Variants in RNF4 observed in about 807,000 individuals in gnomAD.
The protein encoded by RNF4 is E3 ubiquitin-protein ligase RNF4.
In RNF4, 7 loss-of-function variants were observed where a neutral mutation model predicts 24.3. The ratio of observed to expected loss-of-function variants is 0.29; its 90% CI spans 0.16 to 0.54. The LOEUF (loss-of-function observed/expected upper bound fraction) is 0.54, where lower values mean the gene tolerates loss of function less well. Ranked by LOEUF, RNF4 falls within the 20% of genes least tolerant of loss-of-function variation. The pLI is 0.95. For missense variants in RNF4, 209 were observed against 248.5 expected, an observed-to-expected ratio of 0.84 and a Z score of 1.07; for synonymous variants, 83 against 84.3, an observed-to-expected ratio of 0.98 and a Z score of 0.09.
chr4:2,484,241 A>T (rs1430866963), intron 1 of RNF4, among the ~76,000 whole-genome samples: 1 of 151,718 alleles, frequency 6.6e-6, no homozygotes, highest in Non-Finnish European at 1.5e-5. Flanking sequence ...TTCTCGTTAG[A>T]GCATCTCCCT....
rs144037471 is a variant in RNF4 at position 2,501,108 on chromosome 4, C to T, written c.204+370C>T. ...CAGTCCCTGATTCCACAGTTTACACCAGCTGTGTGACCTTGGGCATGTGAC... is the reference window on the plus strand; with the variant it reads ...CAGTCCCTGATTCCACAGTTTACACTAGCTGTGTGACCTTGGGCATGTGAC... On this transcript the variant is annotated intron_variant, in intron 4 of 7. Transcript: ENST00000314289. 8.2e-3 allele frequency among the ~76,000 whole-genome samples: 1,245 copies of T among 152,256 alleles called. 19 individuals are homozygous for T. Among genetic ancestry groups the T allele is most frequent in the Admixed American group, 0.012 (181 of 15,278 alleles).
chr4:2,507,902 T>G (rs1736148887), intron 4 of RNF4, among the ~76,000 whole-genome samples: 1 of 152,138 alleles, frequency 6.6e-6, no homozygotes, highest in African/African-American at 2.4e-5. Context: ...TTGCCCAGGC[T>G]GGAAGGCAGG....
rs377454354 is a variant in RNF4, at chr4:2,512,605, C to T, written c.374+8C>T. On this transcript the variant is annotated splice_region_variant and intron_variant, in intron 6 of 7. Transcript: ENST00000314289. This position sits in a 1 kb window ranked among gnomAD's most constrained non-coding sequence, Gnocchi z 4.1. ...GGGCGCTACAGGCCTCAGGTACCAA[C>T]GTGCCCCCAGCTCTGCTGCCGCCAT... The T allele has an allele frequency of 4.4e-5, 71 of 1,613,068 alleles. 1 individual carries two copies. Among genetic ancestry groups the T allele is most frequent in the East Asian group, 2.7e-4 (12 of 44,894 alleles).
chr4:2,490,581 G>A (rs986923050), intron 2 of RNF4, 79 bp downstream of exon 2: 17 of 1,457,574 alleles, frequency 1.2e-5, no homozygotes, highest in Non-Finnish European at 1.6e-5. Context: ...ATTAGTGAAA[G>A]TGAGTTCCAT....
chr4:2,473,915 T>TA (rs920116769), intron 1 of RNF4, among the ~76,000 whole-genome samples: 3 of 151,758 alleles, frequency 2.0e-5, no homozygotes, highest in Non-Finnish European at 2.9e-5. Context: ...CTACTAAAAA[T>TA]ACAAAAATTA....
chr4:2,482,712 G>A (rs1735278418), intron 1 of RNF4, among the ~76,000 whole-genome samples: 1 of 152,200 alleles, frequency 6.6e-6, no homozygotes, highest in South Asian at 2.1e-4. Flanking sequence ...ATCTGAACAA[G>A]CCTCATTGCC....
chr4:2,496,990 T>A lies in RNF4; in HGVS notation c.10-17T>A. 1 of 1,568,300 alleles carries A rather than the reference T, an allele frequency of 6.4e-7. No individual in the cohort carries two copies. The highest frequency in any genetic ancestry group is 8.7e-7 in the Non-Finnish European group (1 of 1,153,730). On this transcript the variant is annotated splice_polypyrimidine_tract_variant and intron_variant, in intron 2 of 7. Transcript: ENST00000314289. ...TTCTGGTGTTCATGTGACTCTTCTT[T>A]CCCCCTTGCTACTCAGAGAAAGCGT...
At position 2,507,590 on chromosome 4, in the gene RNF4, T is replaced by C. The variant is rs181867271; in HGVS notation, c.205-4366T>C. 5.3e-4 allele frequency among the ~76,000 whole-genome samples: 81 copies of C among 152,326 alleles called. 1 individual carries two copies. Among genetic ancestry groups the C allele is most frequent in the Middle Eastern group, 3.4e-3 (1 of 294 alleles). The stretch of plus-strand genomic sequence containing the variant: ...TAAAGCAAGTGTGTCTTGGTGCCCT[T>C]GGCTGGGTGAACATTCCTAGAAATG... On this transcript the variant is annotated intron_variant, in intron 4 of 7. Coordinates refer to ENST00000314289, the MANE Select transcript of RNF4 (RefSeq NM_002938.5).
chr4:2,470,097 C>G (rs927870710), intron 1 of RNF4: 2 of 152,284 alleles, frequency 1.3e-5, no homozygotes, highest in African/African-American at 4.8e-5. Flanking sequence ...CGTTCACAAA[C>G]TTAATAATCT....
At chr4:2,483,418 C>G (rs1359938134) in intron 1 of RNF4, among the ~76,000 whole-genome samples, 1 of 152,216 alleles carries the variant, frequency 6.6e-6, no homozygotes, top group Non-Finnish European at 1.5e-5. Flanking sequence ...TAACCACATA[C>G]CCTCATTTGT....
Position 2,514,175 on chromosome 4 carries a change from A to T in RNF4, c.*356A>T. Reference sequence around the variant, plus strand: ...TTGCCCCAGCTTTCCCGGGCACACCACCTTTTGTCCCAAGTGTCTGCCGGT... The same window carrying T: ...TTGCCCCAGCTTTCCCGGGCACACCTCCTTTTGTCCCAAGTGTCTGCCGGT... On this transcript the variant is annotated 3_prime_UTR_variant, in exon 8 of 8. Coordinates refer to ENST00000314289, the MANE Select transcript of RNF4 (RefSeq NM_002938.5). The T allele has an allele frequency of 3.9e-6, 1 of 257,340 alleles. No individual in the cohort carries two copies. The highest frequency in any genetic ancestry group is 5.4e-5 in the South Asian group (1 of 18,360). 15.9% of individuals were successfully genotyped at this position (257,340 alleles called of 1,614,324 possible). A position where few individuals can be genotyped will look rare whatever the true frequency, so the allele number is the denominator to read the frequency against.
intron 1 of RNF4, among the ~76,000 whole-genome samples, chr4:2,485,664 G>A (rs542203575): frequency 6.6e-6 from 1 of 152,220 alleles, no homozygotes; most frequent in African/African-American, 2.4e-5. Context: ...TCCCCAGTTA[G>A]GAATGACCAC....
chr4:2,472,601 T>C (rs1578494087), intron 1 of RNF4, among the ~76,000 whole-genome samples: 2 of 135,598 alleles, frequency 1.5e-5, no homozygotes, highest in Non-Finnish European at 3.1e-5. Context: ...GCCAGTCTCT[T>C]AAAAAAAAAA....
chr4:2,487,474 CG>C (rs755593761), intron 1 of RNF4, among the ~76,000 whole-genome samples: 1 of 152,076 alleles, frequency 6.6e-6, no homozygotes, highest in African/African-American at 2.4e-5. Flanking sequence ...TTAGTAGAGA[CG>C]GGGTTTCGCC....
At position 2,514,607 on chromosome 4, in the gene RNF4, C is replaced by T. The variant is rs1736361670; in HGVS notation, c.*788C>T. 1 of 152,700 alleles carries T rather than the reference C, an allele frequency of 6.5e-6. No individual in the cohort carries two copies. The highest frequency in any genetic ancestry group is 1.5e-5 in the Non-Finnish European group (1 of 68,124). The allele number at this position is 152,700 out of a possible 1,614,324, so 9.5% of individuals were successfully genotyped here. A position where few individuals can be genotyped will look rare whatever the true frequency, so the allele number is the denominator to read the frequency against. ...ATGCTCCAGCGTCCTTCACCTGGCA[C>T]AGGACATGCAAGATAAATAGGGCAG... On this transcript the variant is annotated 3_prime_UTR_variant, in exon 8 of 8. Transcript: ENST00000314289.
intron 4 of RNF4, among the ~76,000 whole-genome samples, chr4:2,506,798 G>A (rs1396849807): frequency 1.3e-5 from 2 of 152,000 alleles, no homozygotes; most frequent in African/African-American, 4.8e-5. Flanking sequence ...TCAAACTCCT[G>A]GGCTCAAGTG....
rs1736343146 is a variant in RNF4 at position 2,514,014 on chromosome 4, C to G, written c.*195C>G. On this transcript the variant is annotated 3_prime_UTR_variant, in exon 8 of 8. Coordinates refer to ENST00000314289, the MANE Select transcript of RNF4 (RefSeq NM_002938.5). Reference sequence around the variant, plus strand: ...GCTATGGCGCTGGACCCAGGGCCCTCCCAGGCCATCTCTGTTCCTCTGGGG... The same window carrying G: ...GCTATGGCGCTGGACCCAGGGCCCTGCCAGGCCATCTCTGTTCCTCTGGGG... The G allele has an allele frequency of 1.5e-6, 1 of 674,296 alleles. No homozygotes were observed. The highest frequency in any genetic ancestry group is 2.0e-5 in the South Asian group (1 of 50,614). The allele number at this position is 674,296 out of a possible 1,614,324, so 41.8% of individuals were successfully genotyped here.
chr4:2,476,801 A>G (rs1030376654), intron 1 of RNF4, among the ~76,000 whole-genome samples: 2 of 149,952 alleles, frequency 1.3e-5, no homozygotes, highest in African/African-American at 2.5e-5. Context: ...ATAGCACAGT[A>G]CAGCCTAAAA....
Position 2,497,099 on chromosome 4 carries a change from A to G in RNF4, c.102A>G (p.Glu34=), listed in dbSNP as rs534881711. The G allele has an allele frequency of 1.6e-5, 25 of 1,608,464 alleles. No individual in the cohort carries two copies. Among genetic ancestry groups the G allele is most frequent in the Non-Finnish European group, 2.1e-5 (25 of 1,177,640 alleles). Residue 34 remains glutamate (E), a synonymous_variant, in exon 3 of 8, where the codon GAA becomes GAG. Coordinates refer to ENST00000314289, the MANE Select transcript of RNF4 (RefSeq NM_002938.5). ...CCCCCGAGATCTCCTTGGAAGCAGA[A>G]CCCATAGAACTCGTGGAAACTGGTA... is the stretch of plus-strand genomic sequence containing the variant. The part of the protein sequence containing the change: ...TSTPEISLEA[E]PIELVETAGD...
Sources: allele counts gnomAD v4.1 joint callset (sites outside exome capture counted in the v4.1 genomes callset), GRCh38; gene constraint gnomAD v4.1.1; non-coding constraint Gnocchi (gnomAD v3.1); transcripts MANE v1.5; gene names NCBI Gene and HGNC (gene_info 2026-07-23, HGNC 2026-07-21).